Variants in CHKA observed in about 807,000 individuals in gnomAD.
CHKA encodes CHETK-alpha.
Under a neutral mutation model 60.1 loss-of-function variants are expected in CHKA, and 34 were observed. The observed-to-expected ratio is 0.57, with a 90% confidence interval of 0.43 to 0.75. CHKA has a LOEUF of 0.75. Among genes scored for constraint, CHKA ranks in the 30% least tolerant of loss-of-function variants. The probability of loss-of-function intolerance (pLI) is 0.00; values close to 1 mark genes in which losing one functional copy is unlikely to be tolerated. For missense variants in CHKA, 563 were observed against 561.3 expected (o/e 1.00, Z -0.03); for synonymous variants, 217 against 223.1 (o/e 0.97, Z 0.24).
intron 2 of CHKA, among the ~76,000 whole-genome samples, chr11:68,094,643 A>G (rs918441370): frequency 4.6e-5 from 7 of 152,266 alleles, no homozygotes; most frequent in Non-Finnish European, 8.8e-5. Flanking sequence ...CCCAAGCTGC[A>G]TGGTGAACAC....
intron 2 of CHKA, among the ~76,000 whole-genome samples, chr11:68,096,208 G>C (rs1039140664): frequency 2.0e-5 from 3 of 149,560 alleles, no homozygotes; most frequent in African/African-American, 7.4e-5. Context: ...TACTAAAAAA[G>C]TACAAAATTA....
In CHKA at chr11:68,121,343, G is replaced by GACTGCGGCT; in HGVS notation, c.-167_-166insAGCCGCAGT. 3.1e-6 allele frequency: 1 copy of GACTGCGGCT among 317,594 alleles called. No individual in the cohort carries two copies. Among genetic ancestry groups the GACTGCGGCT allele is most frequent in the Non-Finnish European group, 4.6e-6 (1 of 219,428 alleles). 19.7% of individuals were successfully genotyped at this position (317,594 alleles called of 1,614,324 possible). A position where few individuals can be genotyped will look rare whatever the true frequency, so the allele number is the denominator to read the frequency against. On this transcript the variant is annotated 5_prime_UTR_variant, in exon 1 of 12. Transcript: ENST00000265689. The stretch of plus-strand genomic sequence containing the variant: ...CGGCGGCGGCTGCGGCGACTGCGGC[G>GACTGCGGCT]ACTGTGGAGCGGGGATGTGCTGCTG...
chr11:68,103,247 C>A (rs1044658472), intron 1 of CHKA, among the ~76,000 whole-genome samples: 1 of 151,850 alleles, frequency 6.6e-6, no homozygotes, highest in Non-Finnish European at 1.5e-5. Flanking sequence ...CCCAACTACT[C>A]GGGAGGTTGA....
Position 68,097,108 on chromosome 11 carries a change from A to G in CHKA, c.373T>C (p.Phe125Leu). ...GTGGTGTCAGGTAGGGAGCACTGGA[A>G]CAGCATGTTGCTAAGGCCGCCTCTG... ...VIRGGLSNMLFQCSLPDTTAT... is the reference protein window; with the variant it reads ...VIRGGLSNMLLQCSLPDTTAT... Residue 125 changes from phenylalanine (F) to leucine (L), a missense_variant, in exon 2 of 12, where the codon TTC (phenylalanine) becomes CTC (leucine). Coordinates refer to ENST00000265689, the MANE Select transcript of CHKA (RefSeq NM_001277.3). 2 of 1,613,698 alleles carry G rather than the reference A, an allele frequency of 1.2e-6. No individual in the cohort carries two copies. Among genetic ancestry groups the G allele is most frequent in the Non-Finnish European group, 1.7e-6 (2 of 1,179,804 alleles).
At chr11:68,115,088 A>G (rs1439057209) in intron 1 of CHKA, among the ~76,000 whole-genome samples, 1 of 152,248 alleles carries the variant, frequency 6.6e-6, no homozygotes, top group Non-Finnish European at 1.5e-5. Flanking sequence ...TAATCAATAA[A>G]TTACATGAAA....
intron 4 of CHKA, among the ~76,000 whole-genome samples, chr11:68,071,861 G>T (rs548238541): frequency 6.6e-6 from 1 of 152,284 alleles, no homozygotes; most frequent in East Asian, 1.9e-4. Flanking sequence ...CTCAGCAAGT[G>T]GCAGATGTCT....
chr11:68,063,073 G>C (rs796178355), intron 10 of CHKA, among the ~76,000 whole-genome samples: 146 of 152,306 alleles, frequency 9.6e-4, no homozygotes, highest in African/African-American at 3.4e-3. Context: ...TCAGGGCCCT[G>C]CTTTGAAAAC....
At chr11:68,076,190 A>G (rs1856781544) in intron 3 of CHKA, among the ~76,000 whole-genome samples, 1 of 152,164 alleles carries the variant, frequency 6.6e-6, no homozygotes, top group South Asian at 2.1e-4. Context: ...ATGGCCTGTG[A>G]TCTTGTGAGG....
At chr11:68,081,347 A>T in intron 3 of CHKA, 57 bp downstream of exon 3, 1 of 1,429,214 alleles carries the variant, frequency 7.0e-7, no homozygotes, top group Admixed American at 1.7e-5. Flanking sequence ...GGAGTAGCGA[A>T]GGGTGGCTAA....
chr11:68,115,244 T>C (rs1179124120), intron 1 of CHKA, among the ~76,000 whole-genome samples: 1 of 152,214 alleles, frequency 6.6e-6, no homozygotes, highest in Non-Finnish European at 1.5e-5. Context: ...TGCATTTCAA[T>C]TTATGATGGT....
At chr11:68,110,374 T>C (rs1455492459) in intron 1 of CHKA, among the ~76,000 whole-genome samples, 1 of 152,082 alleles carries the variant, frequency 6.6e-6, no homozygotes, top group Non-Finnish European at 1.5e-5. Flanking sequence ...GAAAAAAAAT[T>C]TCTGGAATAA....
At chr11:68,117,711 A>G (rs1858445103) in intron 1 of CHKA, among the ~76,000 whole-genome samples, 1 of 152,176 alleles carries the variant, frequency 6.6e-6, no homozygotes, top group Non-Finnish European at 1.5e-5. Flanking sequence ...ATAAAAAGGT[A>G]GGCCAAGGCT....
intron 3 of CHKA, among the ~76,000 whole-genome samples, chr11:68,076,310 T>A (rs1008645840): frequency 5.9e-5 from 9 of 152,192 alleles, no homozygotes; most frequent in African/African-American, 2.2e-4. Flanking sequence ...AGGTTTTATT[T>A]CTTAAAACCT....
At chr11:68,112,302 T>G (rs55671007) in intron 1 of CHKA, among the ~76,000 whole-genome samples, 97,946 of 151,966 alleles carry the variant, frequency 0.64, 31,736 homozygotes, top group Middle Eastern at 0.75. Flanking sequence ...GTCGCAACAG[T>G]CTGGAGTGCA....
intron 1 of CHKA, among the ~76,000 whole-genome samples, chr11:68,117,172 G>A (rs1858421515): frequency 6.6e-6 from 1 of 152,130 alleles, no homozygotes; most frequent in Non-Finnish European, 1.5e-5. Flanking sequence ...AATTCAGTAT[G>A]TCTGGTTCTC....
chr11:68,117,314 T>G (rs533600807), intron 1 of CHKA, among the ~76,000 whole-genome samples: 1 of 152,318 alleles, frequency 6.6e-6, no homozygotes, highest in South Asian at 2.1e-4. Flanking sequence ...CAGGCTCCAG[T>G]GTAACTAGCT....
At chr11:68,067,643 G>A (rs1454154100) in intron 7 of CHKA, among the ~76,000 whole-genome samples, 1 of 152,092 alleles carries the variant, frequency 6.6e-6, no homozygotes, top group East Asian at 1.9e-4. Context: ...CAAAATTAAT[G>A]TACAACTGTT....
Position 68,064,441 on chromosome 11 carries a change from C to T in CHKA, c.1232+84G>A, listed in dbSNP as rs1477710579. The T allele has an allele frequency of 8.1e-6, 5 of 616,090 alleles. No individual in the cohort carries two copies. The East Asian group carries it at 1.6e-4, about 20-fold the overall frequency. 38.2% of individuals were successfully genotyped at this position (616,090 alleles called of 1,614,324 possible). On this transcript the variant is annotated intron_variant, in intron 10 of 11. Coordinates refer to ENST00000265689, the MANE Select transcript of CHKA (RefSeq NM_001277.3). ...AAAAAGAAGAAGAAGCTCTAAAATA[C>T]TCCTAATTGCAAGTCAGCATCTCCC... is the stretch of plus-strand genomic sequence containing the variant.
chr11:68,091,325 CTA>C (rs1857343320), intron 2 of CHKA, among the ~76,000 whole-genome samples: 1 of 152,138 alleles, frequency 6.6e-6, no homozygotes, highest in Non-Finnish European at 1.5e-5. Flanking sequence ...TAAAGACAGT[CTA>C]TGTAAAACAG....
Sources: allele counts gnomAD v4.1 joint callset (sites outside exome capture counted in the v4.1 genomes callset), GRCh38; gene constraint gnomAD v4.1.1; transcripts MANE v1.5; gene names NCBI Gene and HGNC (gene_info 2026-07-23, HGNC 2026-07-21).